The following ZMAT4 variants were observed in gnomAD, a reference collection of about 807,000 sequenced individuals.
ZMAT4 encodes the protein zinc finger matrin-type 4.
Under a neutral mutation model 28.7 loss-of-function variants are expected in ZMAT4, and 17 were observed. That is an observed-to-expected ratio of 0.59 (90% CI 0.41 to 0.89). The LOEUF (loss-of-function observed/expected upper bound fraction) is 0.89. Ranked by LOEUF, ZMAT4 falls within the 40% of genes least tolerant of loss-of-function variation. The probability of loss-of-function intolerance (pLI) is 0.00; values close to 1 mark genes in which losing one functional copy is unlikely to be tolerated. For missense variants in ZMAT4, 240 were observed against 283.8 expected (o/e 0.85, Z 1.11); for synonymous variants, 117 against 109.2 (o/e 1.07, Z -0.44).
chr8:40,705,686 TTAAC>T (rs1165864488), intron 3 of ZMAT4, among the ~76,000 whole-genome samples: 1 of 152,244 alleles, frequency 6.6e-6, no homozygotes, highest in Non-Finnish European at 1.5e-5. Flanking sequence ...ATCTAGTTAA[TTAAC>T]ATATGTATTG....
At chr8:40,702,722 C>T (rs1810198655) in intron 3 of ZMAT4, among the ~76,000 whole-genome samples, 1 of 152,186 alleles carries the variant, frequency 6.6e-6, no homozygotes, top group Admixed American at 6.5e-5. Context: ...TTCGGTGAAA[C>T]TCCTTATGGA....
At chr8:40,699,206 C>T (rs1481555146) in intron 3 of ZMAT4, among the ~76,000 whole-genome samples, 1 of 152,010 alleles carries the variant, frequency 6.6e-6, no homozygotes, top group Admixed American at 6.6e-5. Context: ...CAGGGAGTTC[C>T]TGAAGGGTTC....
intron 3 of ZMAT4, among the ~76,000 whole-genome samples, chr8:40,728,074 T>C (rs933184145): frequency 6.6e-6 from 1 of 152,162 alleles, no homozygotes; most frequent in Non-Finnish European, 1.5e-5. Flanking sequence ...CATATGTTCC[T>C]GGAGAGTTAA....
intron 6 of ZMAT4, among the ~76,000 whole-genome samples, chr8:40,537,423 A>G (rs1283639640): frequency 6.6e-6 from 1 of 152,200 alleles, no homozygotes; most frequent in Non-Finnish European, 1.5e-5. Context: ...AACATTCAAG[A>G]AATTGGGAAC....
chr8:40,636,943 C>T (rs189833500), intron 5 of ZMAT4, among the ~76,000 whole-genome samples: 117 of 152,094 alleles, frequency 7.7e-4, no homozygotes, highest in African/African-American at 2.7e-3. Context: ...TGAGAGCTGC[C>T]GAATGCAAAA....
chr8:40,568,515 A>G (rs763149327), intron 6 of ZMAT4, among the ~76,000 whole-genome samples: 2 of 152,178 alleles, frequency 1.3e-5, no homozygotes, highest in Non-Finnish European at 2.9e-5. Flanking sequence ...CATGCAAGGA[A>G]AAATTCTGGG....
chr8:40,748,542 C>T (rs1389730523), intron 3 of ZMAT4, among the ~76,000 whole-genome samples: 1 of 152,156 alleles, frequency 6.6e-6, no homozygotes, highest in African/African-American at 2.4e-5. Flanking sequence ...TCTCTTCTGG[C>T]TAGACTTAAA....
chr8:40,647,555 G>A (rs956003794), intron 5 of ZMAT4, among the ~76,000 whole-genome samples: 8 of 152,148 alleles, frequency 5.3e-5, no homozygotes, highest in Admixed American at 2.0e-4. Flanking sequence ...TGGGAAGCTC[G>A]AACTGGGTGG....
At position 40,825,699 on chromosome 8, in the gene ZMAT4, A is replaced by G; in HGVS notation, c.-4-19T>C. 6.5e-7 allele frequency: 1 copy of G among 1,543,754 alleles called. No homozygotes were observed. The highest frequency in any genetic ancestry group is 8.8e-7 in the Non-Finnish European group (1 of 1,142,010). On this transcript the variant is annotated intron_variant, in intron 1 of 6. Transcript: ENST00000297737. ...CATCAGGCTACAAGAGAATCAACAG[A>G]AAAGAAAAATGAGTCCACTGCTTTG...
intron 3 of ZMAT4, among the ~76,000 whole-genome samples, chr8:40,729,892 T>C (rs956725448): frequency 6.6e-6 from 1 of 152,176 alleles, no homozygotes; most frequent in East Asian, 1.9e-4. Context: ...TGAGCATATA[T>C]TTCTTTCTTG....
chr8:40,709,852 C>A (rs1483249476), intron 3 of ZMAT4, among the ~76,000 whole-genome samples: 1 of 152,104 alleles, frequency 6.6e-6, no homozygotes, highest in African/African-American at 2.4e-5. Context: ...GTCTGGCCAA[C>A]ATAGTGAAAC....
chr8:40,711,763 A>G (rs1264352451), intron 3 of ZMAT4, among the ~76,000 whole-genome samples: 1 of 152,202 alleles, frequency 6.6e-6, no homozygotes, highest in African/African-American at 2.4e-5. Flanking sequence ...AACTCAAGAA[A>G]GTGATTCTGG....
chr8:40,597,826 C>T (rs1301919083), intron 5 of ZMAT4, among the ~76,000 whole-genome samples: 1 of 152,144 alleles, frequency 6.6e-6, no homozygotes, highest in Admixed American at 6.5e-5. Flanking sequence ...TGAAGGAATG[C>T]TTAATCTTTA....
chr8:40,744,147 G>C (rs555457432), intron 3 of ZMAT4, among the ~76,000 whole-genome samples: 1 of 152,160 alleles, frequency 6.6e-6, no homozygotes, highest in Non-Finnish European at 1.5e-5. Flanking sequence ...AGTCCCCTCC[G>C]TGGGACCTTG....
chr8:40,666,431 TA>T (rs1307395816), intron 5 of ZMAT4, among the ~76,000 whole-genome samples: 1 of 152,164 alleles, frequency 6.6e-6, no homozygotes, highest in Non-Finnish European at 1.5e-5. Flanking sequence ...AATTCTTTGT[TA>T]ATCTATAAAA....
intron 6 of ZMAT4, among the ~76,000 whole-genome samples, chr8:40,550,497 C>T (rs1004547066): frequency 3.3e-5 from 5 of 152,208 alleles, no homozygotes; most frequent in African/African-American, 9.6e-5. Flanking sequence ...TATGGTTTGG[C>T]TCTGTGTCTC....
chr8:40,888,770 G>T (rs1818561576), intron 1 of ZMAT4, among the ~76,000 whole-genome samples: 1 of 152,242 alleles, frequency 6.6e-6, no homozygotes, highest in South Asian at 2.1e-4. Flanking sequence ...GACCCAGAGG[G>T]CCACCTCGGG....
chr8:40,794,322 CCT>C (rs908416134), intron 2 of ZMAT4, among the ~76,000 whole-genome samples: 4 of 152,112 alleles, frequency 2.6e-5, no homozygotes, highest in Non-Finnish European at 4.4e-5. Flanking sequence ...CAGAATCTCC[CCT>C]GACTCAGACA....
chr8:40,552,532 T>G (rs1803397026), intron 6 of ZMAT4, among the ~76,000 whole-genome samples: 1 of 152,180 alleles, frequency 6.6e-6, no homozygotes, highest in African/African-American at 2.4e-5. Flanking sequence ...TAACTAACAT[T>G]TACTGAACTC....
Sources: gnomAD v4.1 joint callset for allele counts (sites outside exome capture counted in the v4.1 genomes callset) on GRCh38, gnomAD v4.1.1 for gene constraint, MANE v1.5 for transcripts, NCBI Gene and HGNC (gene_info 2026-07-23, HGNC 2026-07-21) for gene names.